Variants in ADAMTS14 observed in about 807,000 individuals in gnomAD.
ADAMTS14 encodes the protein ADAM metallopeptidase with thrombospondin type 1 motif 14, also known as A disintegrin and metalloproteinase with thrombospondin motifs 14.
In ADAMTS14, 100 loss-of-function variants were observed where a neutral mutation model predicts 128.6. The ratio of observed to expected loss-of-function variants is 0.78; its 90% CI spans 0.66 to 0.92. The LOEUF is 0.92. Among genes scored for constraint, ADAMTS14 ranks in the 40% least tolerant of loss-of-function variants. The probability of loss-of-function intolerance (pLI) is 0.00; values close to 1 mark genes in which losing one functional copy is unlikely to be tolerated. For missense variants in ADAMTS14, 1,562 were observed against 1,658.6 expected (o/e 0.94, Z 1.01); for synonymous variants, 665 against 653.8 (o/e 1.02, Z -0.26).
intron 2 of ADAMTS14, among the ~76,000 whole-genome samples, chr10:70,700,760 C>A (rs560725027): frequency 6.6e-6 from 1 of 152,348 alleles, no homozygotes; most frequent in African/African-American, 2.4e-5. Flanking sequence ...CACACTTCGT[C>A]ATAGCACCGG....
At chr10:70,720,130 C>T (rs557674182) in intron 4 of ADAMTS14, among the ~76,000 whole-genome samples, 3 of 152,330 alleles carry the variant, frequency 2.0e-5, no homozygotes, top group Admixed American at 1.3e-4. Flanking sequence ...TGGAGCACCA[C>T]CCAGACCAGC....
At chr10:70,744,968 G>T (rs1252324843) in intron 14 of ADAMTS14, among the ~76,000 whole-genome samples, 1 of 152,150 alleles carries the variant, frequency 6.6e-6, no homozygotes, top group East Asian at 1.9e-4. Context: ...GAGGAAGAGG[G>T]TCAGGAAAGA....
At chr10:70,755,313 CAAAA>C (rs33982477) in intron 19 of ADAMTS14, among the ~76,000 whole-genome samples, 6 of 118,208 alleles carry the variant, frequency 5.1e-5, no homozygotes, top group Admixed American at 8.7e-5. Context: ...GCTTGTCTCA[CAAAA>C]AAAAAAAAAA....
intron 4 of ADAMTS14, 93 bp from the exon 5 acceptor site, chr10:70,729,201 G>A (rs1471713206): frequency 1.9e-6 from 2 of 1,062,142 alleles, no homozygotes; most frequent in Non-Finnish European, 2.9e-6. Context: ...TCACGGTGGG[G>A]ATACCATATG....
At chr10:70,673,273 G>T (rs1175751913) in intron 1 of ADAMTS14, among the ~76,000 whole-genome samples, 2 of 143,292 alleles carry the variant, frequency 1.4e-5, no homozygotes, top group Non-Finnish European at 3.2e-5. Context: ...GGGTGTGTGT[G>T]TGTGTGTGTC....
intron 2 of ADAMTS14, among the ~76,000 whole-genome samples, chr10:70,689,115 C>G (rs1433845541): frequency 7.1e-6 from 1 of 140,764 alleles, no homozygotes; most frequent in African/African-American, 2.5e-5. Context: ...CTGGGTGCAT[C>G]GTGCCTTTGA....
rs775144767 is a variant in ADAMTS14 at position 70,745,318 on chromosome 10, G to A, written c.2263+12G>A. 8.0e-5 allele frequency: 129 copies of A among 1,612,048 alleles called. No individual in the cohort carries two copies. Among genetic ancestry groups the A allele is most frequent in the Middle Eastern group, 5.6e-4 (3 of 5,312 alleles). On this transcript the variant is annotated intron_variant, in intron 15 of 21. Coordinates refer to ENST00000373207, the MANE Select transcript of ADAMTS14 (RefSeq NM_080722.4). ...CCCCCACCGCATTGGTGAGTGCTGG[G>A]GTGCTGGGAGGGGACAGCAGGGCCC... is the stretch of plus-strand genomic sequence containing the variant.
chr10:70,720,607 GA>G (rs1282475238), intron 4 of ADAMTS14, among the ~76,000 whole-genome samples: 1 of 152,202 alleles, frequency 6.6e-6, no homozygotes, highest in East Asian at 1.9e-4. Context: ...GAGGGCTGGG[GA>G]AGGCAGAGAG....
At chr10:70,734,067 A>G (rs772384788) in intron 8 of ADAMTS14, 39 bp downstream of exon 8, 16 of 1,593,216 alleles carry the variant, frequency 1.0e-5, no homozygotes, top group Non-Finnish European at 1.3e-5. Flanking sequence ...ATAGGGGAGC[A>G]TGCGACCTGC....
chr10:70,757,481 A>G (rs1403577202), intron 19 of ADAMTS14, among the ~76,000 whole-genome samples: 1 of 152,138 alleles, frequency 6.6e-6, no homozygotes, highest in Admixed American at 6.5e-5. Flanking sequence ...CAGAAGCCAC[A>G]ATCCAGGCCC....
At chr10:70,719,831 C>T (rs149351998) in intron 4 of ADAMTS14, among the ~76,000 whole-genome samples, 26 of 152,354 alleles carry the variant, frequency 1.7e-4, no homozygotes, top group African/African-American at 6.0e-4. Flanking sequence ...ATGTTTCCTC[C>T]ACACCCACAG....
chr10:70,688,750 G>A (rs887562956), intron 2 of ADAMTS14, among the ~76,000 whole-genome samples: 2 of 74,536 alleles, frequency 2.7e-5, no homozygotes, highest in Non-Finnish European at 6.3e-5. Flanking sequence ...GCAGGCATTC[G>A]GCAGACTGAG....
chr10:70,744,918 G>A (rs1273963247), intron 14 of ADAMTS14, among the ~76,000 whole-genome samples: 1 of 152,060 alleles, frequency 6.6e-6, no homozygotes, highest in Non-Finnish European at 1.5e-5. Context: ...AGAGTCAGAG[G>A]AGCAAAAAGG....
chr10:70,718,043 G>T (rs1237431345), intron 4 of ADAMTS14, among the ~76,000 whole-genome samples: 2 of 152,174 alleles, frequency 1.3e-5, no homozygotes, highest in African/African-American at 4.8e-5. Context: ...GTCAGATCAG[G>T]GCCTTGGTGG....
At chr10:70,717,062 A>C (rs1028917699) in intron 4 of ADAMTS14, among the ~76,000 whole-genome samples, 3 of 152,214 alleles carry the variant, frequency 2.0e-5, no homozygotes, top group Admixed American at 1.3e-4. Flanking sequence ...TTCAAATCTC[A>C]GGACTAGAGA....
intron 4 of ADAMTS14, among the ~76,000 whole-genome samples, chr10:70,714,382 C>G (rs1014977288): frequency 5.3e-5 from 8 of 152,204 alleles, no homozygotes; most frequent in Non-Finnish European, 7.3e-5. Context: ...ACTTGCTAGT[C>G]TGCCCTCTGG....
intron 2 of ADAMTS14, among the ~76,000 whole-genome samples, chr10:70,683,112 G>C (rs988022675): frequency 6.6e-6 from 1 of 152,234 alleles, no homozygotes; most frequent in Non-Finnish European, 1.5e-5. Flanking sequence ...CTGCAGGCCC[G>C]CTGTGGCACG....
chr10:70,699,161 G>C (rs1256028585), intron 2 of ADAMTS14, among the ~76,000 whole-genome samples: 1 of 152,168 alleles, frequency 6.6e-6, no homozygotes, highest in East Asian at 1.9e-4. Context: ...AAGCAGGCCT[G>C]GGGGCTGAAC....
In ADAMTS14 at chr10:70,675,934, TG is replaced by T. The variant is rs1589252975; in HGVS notation, c.522+943del. On this transcript the variant is annotated intron_variant, in intron 2 of 21. Coordinates refer to ENST00000373207, the MANE Select transcript of ADAMTS14 (RefSeq NM_080722.4). ...GCTTTGAGAGCGAGAAAATTTGAGA[TG>T]GGGAGGGGTTGTGGGTTCCTTCCTC... Among the ~76,000 whole-genome samples the T allele has an allele frequency of 2.0e-5, 3 of 152,244 alleles. No homozygotes were observed. In the East Asian group the frequency reaches 5.8e-4, roughly 29 times the overall value.
Sources: gnomAD v4.1 joint callset for allele counts (sites outside exome capture counted in the v4.1 genomes callset) on GRCh38, gnomAD v4.1.1 for gene constraint, MANE v1.5 for transcripts, NCBI Gene and HGNC (gene_info 2026-07-23, HGNC 2026-07-21) for gene names.